TM4SF4: variants seen among roughly 807,000 people sequenced by gnomAD.
The protein encoded by TM4SF4 is transmembrane 4 L six family member 4.
A neutral mutation model predicts 24.1 loss-of-function variants in TM4SF4; 24 were observed. The ratio of observed to expected loss-of-function variants is 1.00; its 90% CI spans 0.72 to 1.40. The LOEUF is 1.40. Among genes scored for constraint, TM4SF4 ranks in the 40% most tolerant of loss-of-function variants. TM4SF4 has a pLI of 0.00. For missense variants in TM4SF4, 254 were observed against 254.2 expected, an observed-to-expected ratio of 1.00 and a Z score of 0.01; for synonymous variants, 113 against 97.0, an observed-to-expected ratio of 1.17 and a Z score of -0.97.
At chr3:149,475,716 G>C in intron 1 of TM4SF4, 107 bp from the exon 2 acceptor site, 1 of 881,848 alleles carries the variant, frequency 1.1e-6, no homozygotes, top group Non-Finnish European at 1.8e-6. Context: ...CATTCCCTTT[G>C]GGCCTCCAAA....
chr3:149,476,335 T>G (rs959810793), intron 2 of TM4SF4, among the ~76,000 whole-genome samples: 4 of 152,158 alleles, frequency 2.6e-5, no homozygotes, highest in African/African-American at 9.7e-5. Context: ...GATGGTATCC[T>G]CCCCTCCCCA....
In TM4SF4 at chr3:149,503,310, G is replaced by C. The variant is rs966328243; in HGVS notation, c.*617G>C. On this transcript the variant is annotated 3_prime_UTR_variant, in exon 5 of 5. Coordinates refer to ENST00000305354, the MANE Select transcript of TM4SF4 (RefSeq NM_004617.4). ...AAAGATTGTGTGTGTTTTAGGAGGG[G>C]GGACAAAACGTTGAATGAATAACAA... is the stretch of plus-strand genomic sequence containing the variant. The C allele has an allele frequency of 2.6e-5, 4 of 151,918 alleles. No homozygotes were observed. The highest frequency in any genetic ancestry group is 7.3e-5 in the African/African-American group (3 of 41,342). 9.4% of individuals were successfully genotyped at this position (151,918 alleles called of 1,614,324 possible).
At chr3:149,484,364 A>G (rs962316217) in intron 2 of TM4SF4, among the ~76,000 whole-genome samples, 1 of 124,290 alleles carries the variant, frequency 8.0e-6, no homozygotes, top group African/African-American at 2.8e-5. Context: ...CTTATTTTAG[A>G]ATGCAATTGT....
intron 3 of TM4SF4, among the ~76,000 whole-genome samples, chr3:149,494,037 CT>C (rs1020569984): frequency 6.6e-6 from 1 of 152,202 alleles, no homozygotes; most frequent in African/African-American, 2.4e-5. Flanking sequence ...TAATTGGATG[CT>C]TTAAAATGTC....
At chr3:149,502,174 G>A (rs1734440235) in intron 4 of TM4SF4, among the ~76,000 whole-genome samples, 1 of 152,150 alleles carries the variant, frequency 6.6e-6, no homozygotes. Flanking sequence ...TCAAATCCCA[G>A]CTCTCCTACT....
chr3:149,475,621 C>T (rs749930662), intron 1 of TM4SF4, among the ~76,000 whole-genome samples: 2 of 152,198 alleles, frequency 1.3e-5, no homozygotes, highest in Non-Finnish European at 2.9e-5. Flanking sequence ...AATCTTGCCT[C>T]ATTGAAGCTG....
chr3:149,497,355 G>T (rs1404972477), intron 3 of TM4SF4, among the ~76,000 whole-genome samples: 1 of 152,188 alleles, frequency 6.6e-6, no homozygotes, highest in Non-Finnish European at 1.5e-5. Flanking sequence ...CTTATGGAAA[G>T]ATGAATCAAT....
intron 3 of TM4SF4, among the ~76,000 whole-genome samples, chr3:149,491,184 G>A (rs1340748440): frequency 1.3e-5 from 2 of 151,308 alleles, no homozygotes; most frequent in African/African-American, 4.9e-5. Context: ...GTTGGCTCAT[G>A]CCTGTAATCT....
At chr3:149,479,738 C>T (rs1734001810) in intron 2 of TM4SF4, among the ~76,000 whole-genome samples, 1 of 152,210 alleles carries the variant, frequency 6.6e-6, no homozygotes, top group African/African-American at 2.4e-5. Context: ...GAGGCAGACA[C>T]AGACTGGGCC....
intron 3 of TM4SF4, among the ~76,000 whole-genome samples, chr3:149,492,736 G>C (rs1734235156): frequency 1.3e-5 from 2 of 152,120 alleles, no homozygotes; most frequent in Non-Finnish European, 2.9e-5. Context: ...ACTGAACACA[G>C]TTAAATGTTC....
intron 3 of TM4SF4, among the ~76,000 whole-genome samples, chr3:149,497,276 A>G (rs915824843): frequency 2.0e-5 from 3 of 152,228 alleles, no homozygotes; most frequent in Non-Finnish European, 4.4e-5. Context: ...CTAAGATATG[A>G]TAATGTAACT....
chr3:149,476,141 A>G lies in TM4SF4; in HGVS notation c.264+229A>G, dbSNP rs1265146454. On this transcript the variant is annotated intron_variant, in intron 2 of 4. Coordinates refer to ENST00000305354, the MANE Select transcript of TM4SF4 (RefSeq NM_004617.4). The stretch of plus-strand genomic sequence containing the variant: ...ATGAATATTGTATTAGATTTTACAA[A>G]CCGACAGGGATGTCAGAACTGGAGA... Among the ~76,000 whole-genome samples the G allele has an allele frequency of 2.0e-5, 3 of 152,254 alleles. No homozygotes were observed. In the East Asian group the frequency reaches 5.8e-4, roughly 29 times the overall value.
intron 2 of TM4SF4, among the ~76,000 whole-genome samples, chr3:149,486,842 A>T (rs994242957): frequency 6.6e-6 from 1 of 152,160 alleles, no homozygotes; most frequent in Admixed American, 6.5e-5. Context: ...CGAGGAACAT[A>T]ATGAGGGCCA....
In TM4SF4 at chr3:149,474,930, C is replaced by T. The variant is rs1482425943; in HGVS notation, c.53C>T (p.Ala18Val). ...CTGGGGGGGACCCTCATTCCCCTTGCTTTTTTTGGCTTCCTGGCTAACATC... is the reference window on the plus strand; with the variant it reads ...CTGGGGGGGACCCTCATTCCCCTTGTTTTTTTTGGCTTCCTGGCTAACATC... ...RCLGGTLIPL[A>V]FFGFLANILL... Residue 18 changes from alanine (A) to valine (V), a missense_variant, in exon 1 of 5, where the codon GCT becomes GTT. Coordinates refer to ENST00000305354, the MANE Select transcript of TM4SF4 (RefSeq NM_004617.4). 6.2e-7 allele frequency: 1 copy of T among 1,613,898 alleles called. No individual in the cohort carries two copies. Among genetic ancestry groups the T allele is most frequent in the Non-Finnish European group, 8.5e-7 (1 of 1,179,872 alleles).
At chr3:149,477,701 C>A (rs1220888906) in intron 2 of TM4SF4, among the ~76,000 whole-genome samples, 1 of 152,006 alleles carries the variant, frequency 6.6e-6, no homozygotes, top group African/African-American at 2.4e-5. Flanking sequence ...ACAAAGAGTT[C>A]TTTTTAAAAA....
At chr3:149,495,471 C>A in intron 3 of TM4SF4, 1 of 429,608 alleles carries the variant, frequency 2.3e-6, no homozygotes, top group Non-Finnish European at 4.6e-6. Context: ...TGGTGGTCAC[C>A]TTTGCTCCAG....
intron 3 of TM4SF4, chr3:149,495,483 C>A: frequency 4.7e-6 from 2 of 424,558 alleles, no homozygotes; most frequent in South Asian, 2.2e-5. Context: ...TTGCTCCAGT[C>A]AACGTTACAA....
At chr3:149,478,707 C>A (rs1479895853) in intron 2 of TM4SF4, among the ~76,000 whole-genome samples, 1 of 152,186 alleles carries the variant, frequency 6.6e-6, no homozygotes, top group Non-Finnish European at 1.5e-5. Flanking sequence ...CCAGGGTCGA[C>A]CACATGCTGG....
At chr3:149,497,884 A>G (rs1734339885) in intron 3 of TM4SF4, among the ~76,000 whole-genome samples, 1 of 152,154 alleles carries the variant, frequency 6.6e-6, no homozygotes, top group Admixed American at 6.5e-5. Context: ...ACTTCAGGTG[A>G]TCTGCCCACT....
Sources: allele counts gnomAD v4.1 joint callset (sites outside exome capture counted in the v4.1 genomes callset), GRCh38; gene constraint gnomAD v4.1.1; transcripts MANE v1.5; gene names NCBI Gene and HGNC (gene_info 2026-07-23, HGNC 2026-07-21).